Variants in NAALADL2 observed in about 807,000 individuals in gnomAD.
NAALADL2 encodes the protein inactive N-acetylated-alpha-linked acidic dipeptidase-like protein 2.
NAALADL2 carries 76 observed loss-of-function variants against 87.2 expected under a neutral mutation model. That is an observed-to-expected ratio of 0.87 (90% CI 0.72 to 1.05). NAALADL2 has a LOEUF of 1.05. Ranked by LOEUF, NAALADL2 falls within the 50% of genes least tolerant of loss-of-function variation. The pLI is 0.00. For synonymous variants in NAALADL2, 354 were observed against 331.0 expected (o/e 1.07, Z -0.75); for missense variants, 1,089 against 945.8 (o/e 1.15, Z -1.99).
At chr3:175,661,194 G>A (rs149181801) in intron 11 of NAALADL2, among the ~76,000 whole-genome samples, 201 of 152,106 alleles carry the variant, frequency 1.3e-3, no homozygotes, top group African/African-American at 3.7e-3. Flanking sequence ...TATTCTAACT[G>A]GGGTGAAATG....
intron 1 of NAALADL2, among the ~76,000 whole-genome samples, chr3:175,019,313 A>G (rs1267699462): frequency 6.6e-6 from 1 of 152,060 alleles, no homozygotes; most frequent in Non-Finnish European, 1.5e-5. Context: ...TAAGAAAATT[A>G]TAATCCGCTA....
chr3:175,203,145 G>A (rs986881839), intron 2 of NAALADL2, among the ~76,000 whole-genome samples: 8 of 152,196 alleles, frequency 5.3e-5, no homozygotes, highest in African/African-American at 1.9e-4. Context: ...CTGGTCAGGA[G>A]GCTTCTTGAC....
intron 2 of NAALADL2, among the ~76,000 whole-genome samples, chr3:174,696,443 G>A (rs1455040310): frequency 2.0e-5 from 3 of 151,758 alleles, no homozygotes; most frequent in Non-Finnish European, 4.4e-5. Flanking sequence ...CACCTTGGCT[G>A]TTTAAGTAAT....
At chr3:175,564,101 CTTTTGCCCTTCTG>C (rs1716722661) in intron 9 of NAALADL2, among the ~76,000 whole-genome samples, 1 of 152,072 alleles carries the variant, frequency 6.6e-6, no homozygotes. Flanking sequence ...CATCCACATC[CTTTTGCCCTTCTG>C]TTTGCCAAGT....
chr3:175,461,358 A>AT (rs1723106260), intron 6 of NAALADL2, among the ~76,000 whole-genome samples: 1 of 152,074 alleles, frequency 6.6e-6, no homozygotes, highest in African/African-American at 2.4e-5. Context: ...CAGAGTGCTG[A>AT]TTGGTGCATT....
rs114561636 is a variant in NAALADL2, at chr3:174,991,404, C to A, written c.44-105386C>A. On this transcript the variant is annotated intron_variant, in intron 1 of 13. Transcript: ENST00000454872. ...TCATTTTCTCTAATGATAGAAATCT[C>A]TGTCATGTCAAAATTATGAAAATGT... is the stretch of plus-strand genomic sequence containing the variant. Among the ~76,000 whole-genome samples the A allele has an allele frequency of 8.3e-3, 1,260 of 151,980 alleles. 19 individuals are homozygous for A. The highest frequency in any genetic ancestry group is 0.029 in the African/African-American group (1,194 of 41,490).
chr3:174,647,568 A>T (rs79586707), intron 2 of NAALADL2, among the ~76,000 whole-genome samples: 5,078 of 152,234 alleles, frequency 0.033, 230 homozygotes, highest in African/African-American at 0.1. Flanking sequence ...CAACTAATTG[A>T]AAAAGTTGAA....
chr3:174,875,389 C>G (rs1050445403), intron 1 of NAALADL2, among the ~76,000 whole-genome samples: 1 of 151,914 alleles, frequency 6.6e-6, no homozygotes, highest in African/African-American at 2.4e-5. Context: ...CATATATTTG[C>G]ATAGAAATAC....
At chr3:174,447,913 GAT>G (rs1715178136) in intron 1 of NAALADL2, among the ~76,000 whole-genome samples, 2 of 152,190 alleles carry the variant, frequency 1.3e-5, no homozygotes, top group Admixed American at 1.3e-4. Flanking sequence ...CCCAGGAAAG[GAT>G]ATAGGTTGGC....
At chr3:175,683,755 CATTGT>C (rs1735918974) in intron 11 of NAALADL2, among the ~76,000 whole-genome samples, 1 of 151,916 alleles carries the variant, frequency 6.6e-6, no homozygotes, top group South Asian at 2.1e-4. Context: ...TATGCTGAAA[CATTGT>C]ATTGAAGTTA....
intron 11 of NAALADL2, among the ~76,000 whole-genome samples, chr3:175,697,926 T>C (rs200411031): frequency 0.051 from 1,413 of 27,844 alleles, 45 homozygotes; most frequent in East Asian, 0.086. Context: ...TATATGTATG[T>C]ATACATATAT....
At chr3:175,500,928 A>G (rs543582948) in intron 9 of NAALADL2, among the ~76,000 whole-genome samples, 1 of 152,266 alleles carries the variant, frequency 6.6e-6, no homozygotes, top group East Asian at 1.9e-4. Flanking sequence ...TGACAAGCCA[A>G]GAAGTTTGAC....
intron 2 of NAALADL2, among the ~76,000 whole-genome samples, chr3:175,134,875 A>AATCAATTTAAC (rs1728869340): frequency 6.6e-6 from 1 of 152,216 alleles, no homozygotes; most frequent in Non-Finnish European, 1.5e-5. Context: ...TATCAGAATA[A>AATCAATTTAAC]TAAAGCATAA....
At chr3:175,072,086 C>T (rs1405806954) in intron 1 of NAALADL2, among the ~76,000 whole-genome samples, 9 of 152,018 alleles carry the variant, frequency 5.9e-5, no homozygotes, top group Non-Finnish European at 1.0e-4. Flanking sequence ...AAACCCACAA[C>T]ATCAAAATAA....
chr3:174,553,771 G>A (rs1712428721), intron 2 of NAALADL2, among the ~76,000 whole-genome samples: 1 of 152,054 alleles, frequency 6.6e-6, no homozygotes, highest in Admixed American at 6.5e-5. Context: ...GAGTATATGT[G>A]GTTTGGAGTT....
chr3:174,747,696 A>G (rs957345135), intron 3 of NAALADL2, among the ~76,000 whole-genome samples: 3 of 151,850 alleles, frequency 2.0e-5, no homozygotes, highest in African/African-American at 4.8e-5. Context: ...ATAGGAACAC[A>G]TTTACACTGT....
At chr3:174,807,768 A>G (rs934014296) in intron 3 of NAALADL2, among the ~76,000 whole-genome samples, 2 of 152,108 alleles carry the variant, frequency 1.3e-5, no homozygotes, top group African/African-American at 2.4e-5. Flanking sequence ...TGAAACATCC[A>G]TGTAAAGATA....
chr3:175,303,042 T>A (rs1459019067), intron 4 of NAALADL2, among the ~76,000 whole-genome samples: 1 of 152,124 alleles, frequency 6.6e-6, no homozygotes, highest in Non-Finnish European at 1.5e-5. Context: ...TTTGTAGATA[T>A]GGTTTTAGGT....
chr3:175,283,166 A>G (rs1030541004), intron 4 of NAALADL2, among the ~76,000 whole-genome samples: 3 of 152,096 alleles, frequency 2.0e-5, no homozygotes, highest in Non-Finnish European at 2.9e-5. Flanking sequence ...CTCAATATCT[A>G]TGTGCATTAA....
Sources: allele counts gnomAD v4.1 joint callset (sites outside exome capture counted in the v4.1 genomes callset), GRCh38; gene constraint gnomAD v4.1.1; transcripts MANE v1.5; gene names NCBI Gene and HGNC (gene_info 2026-07-23, HGNC 2026-07-21).